The following TBC1D19 variants were observed in gnomAD, a reference collection of about 807,000 sequenced individuals.
TBC1D19 encodes the protein TBC1 domain family, member 19.
A neutral mutation model predicts 89.0 loss-of-function variants in TBC1D19; 60 were observed. That is an observed-to-expected ratio of 0.67 (90% CI 0.55 to 0.84). TBC1D19 has a LOEUF of 0.84. Ranked by LOEUF, TBC1D19 falls within the 40% of genes least tolerant of loss-of-function variation. The probability of loss-of-function intolerance (pLI) is 0.00; values close to 1 mark genes in which losing one functional copy is unlikely to be tolerated. For missense variants in TBC1D19, 500 were observed against 610.8 expected, an observed-to-expected ratio of 0.82 and a Z score of 1.91; for synonymous variants, 189 against 199.7, an observed-to-expected ratio of 0.95 and a Z score of 0.45.
intron 7 of TBC1D19, among the ~76,000 whole-genome samples, chr4:26,654,547 A>G (rs1211894093): frequency 1.3e-5 from 2 of 152,142 alleles, no homozygotes; most frequent in East Asian, 1.9e-4. Flanking sequence ...ACATAGTCCC[A>G]TATTTCTTGG....
intron 11 of TBC1D19, among the ~76,000 whole-genome samples, chr4:26,682,928 G>A (rs1713482411): frequency 3.3e-5 from 5 of 151,746 alleles, no homozygotes; most frequent in Admixed American, 3.3e-4. Flanking sequence ...AGTATTATGT[G>A]GCCATATTCT....
the TBC1D19 span, among the ~76,000 whole-genome samples, chr4:26,774,794 T>G: frequency 2.0e-5 from 3 of 152,226 alleles, no homozygotes; most frequent in Non-Finnish European, 4.4e-5. Context: ...TATTTTTTTC[T>G]TGTCTGTTTG....
At chr4:26,772,994 C>T in the TBC1D19 span, among the ~76,000 whole-genome samples, 1 of 152,106 alleles carries the variant, frequency 6.6e-6, no homozygotes, top group Non-Finnish European at 1.5e-5. Flanking sequence ...AATGGGATTG[C>T]TAGGTCAAAT....
intron 15 of TBC1D19, among the ~76,000 whole-genome samples, chr4:26,729,014 C>CAAAAAAAG (rs1239938938): frequency 6.6e-6 from 1 of 151,390 alleles, no homozygotes; most frequent in African/African-American, 2.4e-5. Context: ...GACTCCGTCT[C>CAAAAAAAG]AAAAAAAGAA....
At chr4:26,804,414 G>A in the TBC1D19 span, among the ~76,000 whole-genome samples, 1 of 152,206 alleles carries the variant, frequency 6.6e-6, no homozygotes, top group Non-Finnish European at 1.5e-5. Flanking sequence ...CCAAAGTGCT[G>A]GGATTACAGG....
intron 7 of TBC1D19, among the ~76,000 whole-genome samples, chr4:26,651,082 T>C (rs1744335265): frequency 6.6e-6 from 1 of 152,220 alleles, no homozygotes; most frequent in Non-Finnish European, 1.5e-5. Context: ...TATATCTCTG[T>C]TTTGGTACGA....
the TBC1D19 span, among the ~76,000 whole-genome samples, chr4:26,791,292 T>G: frequency 6.6e-6 from 1 of 152,298 alleles, no homozygotes; most frequent in East Asian, 1.9e-4. Context: ...CATTCAAACA[T>G]TTTTTGAGCA....
intron 3 of TBC1D19, 26 bp downstream of exon 3, chr4:26,614,479 T>C: frequency 6.4e-7 from 1 of 1,553,432 alleles, no homozygotes. Flanking sequence ...TATTTTACAA[T>C]AGTATTTTGT....
the TBC1D19 span, among the ~76,000 whole-genome samples, chr4:26,763,164 A>G: frequency 6.6e-6 from 1 of 152,168 alleles, no homozygotes; most frequent in African/African-American, 2.4e-5. Flanking sequence ...TTTGATAATG[A>G]TCGAATGTAA....
chr4:26,688,255 G>A, intron 12 of TBC1D19, 90 bp from the exon 13 acceptor site: 2 of 1,402,144 alleles, frequency 1.4e-6, no homozygotes, highest in South Asian at 1.5e-5. Context: ...TAAATTTATT[G>A]CAGTAGTGCT....
At chr4:26,702,837 T>G (rs1223245388) in intron 13 of TBC1D19, among the ~76,000 whole-genome samples, 1 of 152,194 alleles carries the variant, frequency 6.6e-6, no homozygotes, top group Non-Finnish European at 1.5e-5. Flanking sequence ...GACAGAAACA[T>G]TATACCAATT....
intron 7 of TBC1D19, among the ~76,000 whole-genome samples, chr4:26,651,324 G>A (rs1295883147): frequency 1.3e-5 from 2 of 152,052 alleles, no homozygotes; most frequent in Admixed American, 6.6e-5. Context: ...CCATTTTCAC[G>A]ATATTGATTC....
At chr4:26,677,593 T>C (rs1712949144) in intron 11 of TBC1D19, among the ~76,000 whole-genome samples, 1 of 152,152 alleles carries the variant, frequency 6.6e-6, no homozygotes, top group Admixed American at 6.6e-5. Context: ...TACCCTGCTT[T>C]TTTAAACACT....
Position 26,655,179 on chromosome 4 carries a change from G to C in TBC1D19, c.481-4418G>C, listed in dbSNP as rs563045242. Among the ~76,000 whole-genome samples the C allele has an allele frequency of 1.2e-4, 19 of 152,338 alleles. No individual in the cohort carries two copies. The South Asian group carries it at 3.9e-3, about 32-fold the overall frequency. ...CTGGGTGTCAGCAGCGGCAGCTGCG[G>C]AACAGTAGATATTGGTGAACAGCAA... On this transcript the variant is annotated intron_variant, in intron 7 of 20. Transcript: ENST00000264866.
intron 1 of TBC1D19, among the ~76,000 whole-genome samples, chr4:26,587,768 G>A (rs1739507677): frequency 2.6e-5 from 4 of 151,450 alleles, no homozygotes; most frequent in Non-Finnish European, 4.4e-5. Context: ...AAAGTCACTG[G>A]TGCCTAGAGT....
chr4:26,647,139 G>A (rs1425402817), intron 7 of TBC1D19, among the ~76,000 whole-genome samples: 1 of 152,048 alleles, frequency 6.6e-6, no homozygotes, highest in Admixed American at 6.6e-5. Context: ...GATGATTTGG[G>A]AACTGATCAG....
At chr4:26,640,118 G>T (rs1360670702) in intron 6 of TBC1D19, 23 bp from the exon 7 acceptor site, 1 of 1,545,724 alleles carries the variant, frequency 6.5e-7, no homozygotes, top group South Asian at 1.2e-5. Flanking sequence ...CTGAAATTTT[G>T]TTTATAATCT....
At chr4:26,853,640 C>T in the TBC1D19 span, among the ~76,000 whole-genome samples, 1 of 152,054 alleles carries the variant, frequency 6.6e-6, no homozygotes, top group South Asian at 2.1e-4. Context: ...CAGGTTCAAG[C>T]CGTTCTCCTG....
At chr4:26,697,871 A>G (rs1275379114) in intron 13 of TBC1D19, among the ~76,000 whole-genome samples, 1 of 152,204 alleles carries the variant, frequency 6.6e-6, no homozygotes, top group East Asian at 1.9e-4. Flanking sequence ...TCAAAATAAT[A>G]AGCGCTATCT....
Sources: gnomAD v4.1 joint callset for allele counts (sites outside exome capture counted in the v4.1 genomes callset) on GRCh38, gnomAD v4.1.1 for gene constraint, MANE v1.5 for transcripts, NCBI Gene and HGNC (gene_info 2026-07-23, HGNC 2026-07-21) for gene names.